The following WWP2 variants were observed in gnomAD, a reference collection of about 807,000 sequenced individuals.
WWP2 encodes WW domain containing E3 ubiquitin protein ligase 2, also known as NEDD4-like E3 ubiquitin-protein ligase WWP2.
In WWP2, 57 loss-of-function variants were observed where a neutral mutation model predicts 121.0. The observed-to-expected ratio is 0.47, with a 90% CI of 0.38 to 0.59. The LOEUF is 0.59. Ranked by LOEUF, WWP2 falls within the 20% of genes least tolerant of loss-of-function variation. The pLI is 0.00. For missense variants in WWP2, 962 were observed against 1,158.9 expected (o/e 0.83, Z 2.47); for synonymous variants, 449 against 441.3 (o/e 1.02, Z -0.22).
At chr16:69,882,463 A>G (rs1000330675) in intron 7 of WWP2, among the ~76,000 whole-genome samples, 5 of 152,224 alleles carry the variant, frequency 3.3e-5, no homozygotes, top group African/African-American at 1.2e-4. Flanking sequence ...TCAAATGTTA[A>G]GCATTACGGA....
At chr16:69,907,509 A>G (rs1301454071) in intron 8 of WWP2, among the ~76,000 whole-genome samples, 2 of 152,248 alleles carry the variant, frequency 1.3e-5, no homozygotes, top group African/African-American at 4.8e-5. Context: ...AGTGTAAAAC[A>G]TAAAGGCCCA....
At chr16:69,903,424 T>C (rs2058235550) in intron 8 of WWP2, among the ~76,000 whole-genome samples, 1 of 152,168 alleles carries the variant, frequency 6.6e-6, no homozygotes, top group Admixed American at 6.6e-5. Context: ...ACATAAAAGA[T>C]GTCAAAAGTG....
chr16:69,780,120 C>T (rs2055632016), intron 1 of WWP2, among the ~76,000 whole-genome samples: 1 of 152,200 alleles, frequency 6.6e-6, no homozygotes, highest in Non-Finnish European at 1.5e-5. Flanking sequence ...AACTTCTGTT[C>T]TGAACTTGGT....
chr16:69,829,604 A>C (rs984318190), intron 4 of WWP2, among the ~76,000 whole-genome samples: 1 of 152,128 alleles, frequency 6.6e-6, no homozygotes, highest in South Asian at 2.1e-4. Context: ...TCTTCTTGAA[A>C]CTTAGATGAC....
intron 4 of WWP2, among the ~76,000 whole-genome samples, chr16:69,820,528 G>A (rs1172868557): frequency 7.7e-6 from 1 of 129,600 alleles, no homozygotes; most frequent in African/African-American, 2.5e-5. Context: ...ACAGGCGTGA[G>A]CCACCGCTCT....
chr16:69,937,428 T>G lies in WWP2; in HGVS notation c.2239-120T>G. 4 of 1,348,916 alleles carry G rather than the reference T, an allele frequency of 3.0e-6. No individual in the cohort carries two copies. Among genetic ancestry groups the G allele is most frequent in the Non-Finnish European group, 4.1e-6 (4 of 973,374 alleles). 83.6% of individuals were successfully genotyped at this position (1,348,916 alleles called of 1,614,324 possible). A position where few individuals can be genotyped will look rare whatever the true frequency, so the allele number is the denominator to read the frequency against. ...AAAGCAGGGACTTACATTACCCATA[T>G]TATTAACGCTGACACCAAAAATAGC... is the stretch of plus-strand genomic sequence containing the variant. On this transcript the variant is annotated intron_variant, in intron 20 of 23. Coordinates refer to ENST00000359154, the MANE Select transcript of WWP2 (RefSeq NM_001270454.2). This position sits in a 1 kb window ranked among gnomAD's most constrained non-coding sequence, Gnocchi z 6.6.
intron 10 of WWP2, among the ~76,000 whole-genome samples, chr16:69,923,096 G>GC (rs2058586012): frequency 6.6e-6 from 1 of 152,036 alleles, no homozygotes; most frequent in African/African-American, 2.4e-5. Context: ...CCCCATGTTG[G>GC]CCAGGCTGGT....
intron 4 of WWP2, among the ~76,000 whole-genome samples, chr16:69,829,545 C>CCCCTGCCTGGATGGTCTTCCT (rs1254555269): frequency 7.2e-5 from 11 of 152,290 alleles, no homozygotes; most frequent in African/African-American, 2.4e-4. Flanking sequence ...CACAACATTT[C>CCCCTGCCTGGATGGTCTTCCT]CCCTGCCTGG....
intron 9 of WWP2, among the ~76,000 whole-genome samples, chr16:69,910,994 C>G (rs2058371317): frequency 6.6e-6 from 1 of 152,196 alleles, no homozygotes; most frequent in Admixed American, 6.5e-5. Context: ...CTCATTTCTG[C>G]TCTGTAATCA....
intron 6 of WWP2, among the ~76,000 whole-genome samples, chr16:69,852,222 G>T (rs998078592): frequency 5.3e-5 from 8 of 151,862 alleles, no homozygotes; most frequent in Non-Finnish European, 1.2e-4. Context: ...ATTCTAATGG[G>T]TATCTAGTGA....
At chr16:69,932,716 C>CCT (rs1223850163) in intron 16 of WWP2, among the ~76,000 whole-genome samples, 1 of 152,174 alleles carries the variant, frequency 6.6e-6, no homozygotes, top group Non-Finnish European at 1.5e-5. Flanking sequence ...ATGTCACATG[C>CCT]CTGGGGTCAG....
chr16:69,867,930 T>C (rs1414282823), intron 6 of WWP2, among the ~76,000 whole-genome samples: 1 of 152,160 alleles, frequency 6.6e-6, no homozygotes, highest in Non-Finnish European at 1.5e-5. Flanking sequence ...TTTGTCTGGG[T>C]GCTATTTTGG....
chr16:69,915,536 G>A (rs1011109469), intron 9 of WWP2, among the ~76,000 whole-genome samples: 1 of 152,202 alleles, frequency 6.6e-6, no homozygotes, highest in Non-Finnish European at 1.5e-5. Flanking sequence ...GCAACATAGT[G>A]AGATCCTGTC....
rs58521765 is a variant in WWP2 at position 69,914,267 on chromosome 16, T to C, written c.1005-3442T>C. Among the ~76,000 whole-genome samples the C allele has an allele frequency of 2.0e-3, 297 of 151,812 alleles. 1 individual carries two copies. Among genetic ancestry groups the C allele is most frequent in the African/African-American group, 6.4e-3 (263 of 41,372 alleles). On this transcript the variant is annotated intron_variant, in intron 9 of 23. Transcript: ENST00000359154. ...ATTGCCAGAACTCAAGTATCCAGAT[T>C]CAAACAGCTCACCACACGCCTAGCC...
chr16:69,804,731 A>AG (rs1321339859), intron 4 of WWP2, among the ~76,000 whole-genome samples: 1 of 152,086 alleles, frequency 6.6e-6, no homozygotes, highest in African/African-American at 2.4e-5. Context: ...CCCCTAAAAA[A>AG]TCTCTTGAGA....
Position 69,933,963 on chromosome 16 carries a change from C to G in WWP2, c.1683-7C>G, listed in dbSNP as rs2058757949. On this transcript the variant is annotated splice_polypyrimidine_tract_variant and splice_region_variant and intron_variant, in intron 16 of 23. Coordinates refer to ENST00000359154, the MANE Select transcript of WWP2 (RefSeq NM_001270454.2). ...TATTCTTGTCTTTTCTGTCTCTTCC[C>G]TCACAGAGAGTGGTTTTTCCTCCTG... 1 of 1,612,834 alleles carries G rather than the reference C, an allele frequency of 6.2e-7. No homozygotes were observed. The highest frequency in any genetic ancestry group is 1.3e-5 in the African/African-American group (1 of 74,890).
intron 4 of WWP2, among the ~76,000 whole-genome samples, chr16:69,812,139 G>A (rs143478209): frequency 3.3e-5 from 5 of 150,264 alleles, no homozygotes; most frequent in East Asian, 3.9e-4. Flanking sequence ...CATTGGCATC[G>A]GCGTTGTTGA....
intron 4 of WWP2, among the ~76,000 whole-genome samples, chr16:69,812,842 A>G (rs2056420386): frequency 6.6e-6 from 1 of 152,122 alleles, no homozygotes; most frequent in African/African-American, 2.4e-5. Flanking sequence ...GCTGTGTGTC[A>G]GGTTTTTCCA....
At chr16:69,895,760 A>G (rs1163663641) in intron 8 of WWP2, among the ~76,000 whole-genome samples, 1 of 152,206 alleles carries the variant, frequency 6.6e-6, no homozygotes, top group Non-Finnish European at 1.5e-5. Context: ...ACCCTGTCTC[A>G]GTTAAAAGAA....
Sources: gnomAD v4.1 joint callset for allele counts (sites outside exome capture counted in the v4.1 genomes callset) on GRCh38, gnomAD v4.1.1 for gene constraint, Gnocchi (gnomAD v3.1) non-coding constraint, MANE v1.5 for transcripts, NCBI Gene and HGNC (gene_info 2026-07-23, HGNC 2026-07-21) for gene names.